PDE11A: variants seen among roughly 807,000 people sequenced by gnomAD.
The protein encoded by PDE11A is phosphodiesterase 11A, also known as dual 3',5'-cyclic-AMP and -GMP phosphodiesterase 11A.
A neutral mutation model predicts 100.5 loss-of-function variants in PDE11A; 100 were observed. The observed-to-expected ratio is 1.00, with a 90% CI of 0.85 to 1.18. PDE11A has a LOEUF of 1.18. PDE11A is among the 50% of genes most tolerant of loss of function. PDE11A has a pLI of 0.00. For synonymous variants in PDE11A, 381 were observed against 420.8 expected (o/e 0.91, Z 1.16); for missense variants, 1,141 against 1,152.6 (o/e 0.99, Z 0.15).
intron 12 of PDE11A, among the ~76,000 whole-genome samples, chr2:177,717,048 C>G (rs1196300007): frequency 6.6e-6 from 1 of 152,186 alleles, no homozygotes; most frequent in Non-Finnish European, 1.5e-5. Context: ...GACTCTCTTC[C>G]TAGAACATTT....
chr2:178,094,070 G>A (rs2087457910), intron 2 of PDE11A, among the ~76,000 whole-genome samples: 1 of 152,092 alleles, frequency 6.6e-6, no homozygotes, highest in Non-Finnish European at 1.5e-5. Flanking sequence ...TTTTCCTTCT[G>A]CAAATAACTA....
chr2:177,923,299 TG>T (rs1431492177), intron 2 of PDE11A, among the ~76,000 whole-genome samples: 1 of 151,932 alleles, frequency 6.6e-6, no homozygotes, highest in Non-Finnish European at 1.5e-5. Flanking sequence ...AGTTTCAGGT[TG>T]CAATGGGCTA....
intron 19 of PDE11A, among the ~76,000 whole-genome samples, chr2:177,637,522 C>T (rs1259457763): frequency 1.3e-5 from 2 of 151,886 alleles, no homozygotes; most frequent in African/African-American, 4.8e-5. Context: ...GTTTTTGTCT[C>T]TTTGTACTTG....
At chr2:177,839,031 T>A (rs1221167451) in intron 6 of PDE11A, among the ~76,000 whole-genome samples, 18 of 152,112 alleles carry the variant, frequency 1.2e-4, no homozygotes, top group Admixed American at 1.2e-3. Context: ...AGAAAATACA[T>A]GGAAAATGTA....
At chr2:177,943,447 T>C (rs552786226) in intron 2 of PDE11A, among the ~76,000 whole-genome samples, 6 of 152,204 alleles carry the variant, frequency 3.9e-5, no homozygotes, top group African/African-American at 9.7e-5. Flanking sequence ...TGATATCTCA[T>C]TGTGGTTTGA....
intron 6 of PDE11A, among the ~76,000 whole-genome samples, chr2:177,823,922 G>A (rs117515122): frequency 0.01 from 1,592 of 152,248 alleles, 16 homozygotes; most frequent in East Asian, 0.059. Flanking sequence ...CGTTTCCTAC[G>A]AAATCTGGGC....
chr2:178,031,069 G>A (rs530770402), intron 1 of PDE11A, among the ~76,000 whole-genome samples: 4 of 152,204 alleles, frequency 2.6e-5, no homozygotes, highest in Non-Finnish European at 5.9e-5. Context: ...ATAGTGTAAG[G>A]TAAAAAAATT....
chr2:177,759,677 C>A (rs2082142920), intron 10 of PDE11A, among the ~76,000 whole-genome samples: 1 of 152,156 alleles, frequency 6.6e-6, no homozygotes, highest in Admixed American at 6.5e-5. Context: ...AATAATGAAC[C>A]ATATACTCTC....
chr2:177,637,292 C>A (rs1375496469), intron 19 of PDE11A, among the ~76,000 whole-genome samples: 2 of 152,132 alleles, frequency 1.3e-5, no homozygotes, highest in Non-Finnish European at 2.9e-5. Flanking sequence ...GACTCTAATG[C>A]ATTGTGTAAA....
chr2:177,634,772 G>T (rs886496576), intron 19 of PDE11A, among the ~76,000 whole-genome samples: 6 of 152,188 alleles, frequency 3.9e-5, no homozygotes, highest in Admixed American at 1.3e-4. Context: ...TAAAGCAAGG[G>T]TTTATCCACG....
At chr2:177,945,089 C>G (rs528048611) in intron 2 of PDE11A, among the ~76,000 whole-genome samples, 2 of 150,520 alleles carry the variant, frequency 1.3e-5, no homozygotes, top group Non-Finnish European at 3.0e-5. Context: ...CCCGAGGTGC[C>G]GGGATTGCAG....
chr2:177,811,604 G>C (rs571846462), intron 9 of PDE11A, among the ~76,000 whole-genome samples: 1 of 151,722 alleles, frequency 6.6e-6, no homozygotes, highest in African/African-American at 2.4e-5. Context: ...GATTATGGCT[G>C]AAATAAGCTG....
At chr2:178,097,940 C>T (rs921842587) in intron 2 of PDE11A, among the ~76,000 whole-genome samples, 3 of 152,240 alleles carry the variant, frequency 2.0e-5, no homozygotes, top group South Asian at 2.1e-4. Context: ...CTGAATCTAT[C>T]AATTGGAAGA....
intron 6 of PDE11A, among the ~76,000 whole-genome samples, chr2:177,831,552 T>C (rs1388500355): frequency 6.6e-6 from 1 of 152,248 alleles, no homozygotes; most frequent in Non-Finnish European, 1.5e-5. Flanking sequence ...AAGCTTCCTA[T>C]GCTAGTCTGA....
At chr2:177,706,249 T>C (rs1218024590) in intron 13 of PDE11A, among the ~76,000 whole-genome samples, 1 of 152,250 alleles carries the variant, frequency 6.6e-6, no homozygotes, top group Non-Finnish European at 1.5e-5. Context: ...GTCTCCTGTT[T>C]TTTTATAGCC....
At chr2:177,928,104 CA>C (rs59085357) in intron 2 of PDE11A, among the ~76,000 whole-genome samples, 8,466 of 56,082 alleles carry the variant, frequency 0.15, 57 homozygotes, top group African/African-American at 0.17. Context: ...AACTCCATCT[CA>C]AAAAAAAAAA....
intron 2 of PDE11A, among the ~76,000 whole-genome samples, chr2:177,963,719 G>A (rs966941015): frequency 5.3e-5 from 8 of 152,192 alleles, no homozygotes; most frequent in East Asian, 3.8e-4. Flanking sequence ...TAAAGCACAA[G>A]TATAGGGCAA....
At chr2:177,661,182 G>A (rs73977698) in intron 19 of PDE11A, among the ~76,000 whole-genome samples, 5,389 of 152,208 alleles carry the variant, frequency 0.035, 314 homozygotes, top group African/African-American at 0.12. Flanking sequence ...TGTACTCCTC[G>A]GTATTCTTTT....
intron 5 of PDE11A, among the ~76,000 whole-genome samples, chr2:177,857,625 A>T (rs1467125441): frequency 6.6e-6 from 1 of 152,004 alleles, no homozygotes; most frequent in Non-Finnish European, 1.5e-5. Context: ...ATAGGGGAAT[A>T]CAAAGGACAG....
Sources: allele counts gnomAD v4.1 joint callset (sites outside exome capture counted in the v4.1 genomes callset), GRCh38; gene constraint gnomAD v4.1.1; transcripts MANE v1.5; gene names NCBI Gene and HGNC (gene_info 2026-07-23, HGNC 2026-07-21).